TONSL: variants seen among roughly 807,000 people sequenced by gnomAD.
The protein encoded by TONSL is tonsoku like, DNA repair protein, also known as tonsoku-like protein.
A neutral mutation model predicts 147.1 loss-of-function variants in TONSL; 112 were observed. That is an observed-to-expected ratio of 0.76 (90% CI 0.65 to 0.89). The LOEUF is 0.89. Among genes scored for constraint, TONSL ranks in the 40% least tolerant of loss-of-function variants. TONSL has a pLI of 0.00. For missense variants in TONSL, 1,883 were observed against 1,864.6 expected (o/e 1.01, Z -0.18); for synonymous variants, 868 against 801.5 (o/e 1.08, Z -1.40).
chr8:144,429,398 G>C (rs782531272), intron 25 of TONSL, 62 bp from the exon 26 acceptor site: 83 of 1,339,218 alleles, frequency 6.2e-5, no homozygotes, highest in Non-Finnish European at 7.8e-5. Flanking sequence ...TGGTGCCCGC[G>C]GCAGGCTCCA....
chr8:144,430,931 T>G, intron 24 of TONSL, 147 bp downstream of exon 24: 8 of 924,582 alleles, frequency 8.7e-6, no homozygotes, highest in African/African-American at 1.7e-5. Flanking sequence ...CAGGGCAGCC[T>G]GAGAGGCTGG....
At chr8:144,431,822 CTT>C (rs1188579359) in intron 23 of TONSL, among the ~76,000 whole-genome samples, 5 of 128,476 alleles carry the variant, frequency 3.9e-5, no homozygotes, top group East Asian at 2.2e-4. Context: ...CTGTTTTTTT[CTT>C]TTTCTTTCTT....
chr8:144,440,153 G>A lies in TONSL; in HGVS notation c.1348C>T (p.Pro450Ser), dbSNP rs1390713394. The A allele has an allele frequency of 1.9e-6, 3 of 1,611,054 alleles. No homozygotes were observed. The change falls in exon 11 of 26, where the codon CCT (proline) becomes TCT (serine). Residue 450 changes from proline (P) to serine (S), a missense_variant. Pro to Ser is a moderately conservative substitution (Grantham distance 74). Transcript: ENST00000409379. ...TCCCGTAGTCTGGTTTCGGTCTCAG[G>A]GGCCTCCTGGGGCTGCAGCCTCAGC... ...VQLRLQPQEAPETETRLRELS... is the reference protein window; with the variant it reads ...VQLRLQPQEASETETRLRELS...
intron 3 of TONSL, 33 bp downstream of exon 3, chr8:144,443,849 C>T (rs1305909051): frequency 5.2e-6 from 8 of 1,540,714 alleles, no homozygotes; most frequent in South Asian, 2.4e-5. Context: ...AGAGGCCGAC[C>T]GGGCTGGACG....
chr8:144,439,960 A>G, intron 11 of TONSL, 61 bp downstream of exon 11: 1 of 772,252 alleles, frequency 1.3e-6, no homozygotes, highest in Non-Finnish European at 2.3e-6. Context: ...AGCACAGCAC[A>G]CCCCTCTCCA....
chr8:144,439,172 C>A (rs938749306), intron 11 of TONSL, among the ~76,000 whole-genome samples: 4 of 152,080 alleles, frequency 2.6e-5, no homozygotes, highest in Non-Finnish European at 5.9e-5. Flanking sequence ...CCTGGGTATC[C>A]TGCACCTTGC....
chr8:144,429,428 C>G, intron 25 of TONSL, 92 bp from the exon 26 acceptor site: 2 of 1,228,950 alleles, frequency 1.6e-6, no homozygotes, highest in Non-Finnish European at 2.1e-6. Flanking sequence ...CTCGCTTTCG[C>G]TGAGGGCCCC....
At chr8:144,430,676 G>T in intron 24 of TONSL, 139 bp from the exon 25 acceptor site, 1 of 1,081,246 alleles carries the variant, frequency 9.2e-7, no homozygotes, top group Non-Finnish European at 1.3e-6. Flanking sequence ...TGGCCCAGTA[G>T]CAGGTGGCCC....
At chr8:144,437,792 G>T (rs1823532436) in intron 13 of TONSL, 1 of 153,976 alleles carries the variant, frequency 6.5e-6, no homozygotes, top group Admixed American at 6.4e-5. Context: ...TTTTAGTAGA[G>T]ACAGGGTTTC....
Position 144,442,048 on chromosome 8 carries a change from T to C in TONSL, c.854A>G (p.Asn285Ser). 1 of 1,612,542 alleles carries C rather than the reference T, an allele frequency of 6.2e-7. No individual in the cohort carries two copies. The highest frequency in any genetic ancestry group is 8.5e-7 in the Non-Finnish European group (1 of 1,179,838). Residue 285 changes from asparagine (N) to serine (S), a missense_variant, in exon 7 of 26, where the codon AAC becomes AGC. Transcript: ENST00000409379. ...KPVQRAAICQ[N>S]LQHVLAVVRL... is the part of the protein sequence containing the mutation. ...ACCCCCAGGCTCACCATGCTGGAGG[T>C]TCTGACAGATGGCTGCCCTCTGCAC...
intron 23 of TONSL, among the ~76,000 whole-genome samples, chr8:144,431,514 CTTTTTTTGTTT>C (rs1416981189): frequency 6.6e-6 from 1 of 151,068 alleles, no homozygotes; most frequent in Non-Finnish European, 1.5e-5. Flanking sequence ...CTGTTTTTTT[CTTTTTTTGTTT>C]TTTTTTTGAG....
At chr8:144,433,953 G>T in intron 21 of TONSL, 25 bp downstream of exon 21, 1 of 1,540,922 alleles carries the variant, frequency 6.5e-7, no homozygotes. Flanking sequence ...CGCTGTTGAG[G>T]GCCTGCTGCT....
rs149456513 is a variant in TONSL at position 144,440,768 on chromosome 8, C to G, written c.1114G>C (p.Val372Leu). 396 of 1,612,904 alleles carry G rather than the reference C, an allele frequency of 2.5e-4. No individual in the cohort carries two copies. The highest frequency in any genetic ancestry group is 2.6e-4 in the Non-Finnish European group (302 of 1,179,984). The change falls in exon 9 of 26, where the codon GTG becomes CTG. Residue 372 changes from valine to leucine, a missense_variant. Transcript: ENST00000409379. ...LGDMKDHHGAVRHYEEELRLR... is the reference protein window; with the variant it reads ...LGDMKDHHGALRHYEEELRLR... ...CTCAGTTCCTCCTCATAGTGGCGCA[C>G]GGCCCCATGGTGGTCCTTCATGTCT...
chr8:144,433,489 G>T, intron 22 of TONSL, 99 bp downstream of exon 22: 1 of 1,203,312 alleles, frequency 8.3e-7, no homozygotes, highest in Non-Finnish European at 1.2e-6. Flanking sequence ...GACCACAGGT[G>T]TTGCCCCTGT....
chr8:144,436,508 ACT>A (rs1823465318), intron 16 of TONSL, 48 bp downstream of exon 16: 1 of 1,585,422 alleles, frequency 6.3e-7, no homozygotes, highest in African/African-American at 1.3e-5. Context: ...GGGCCCGGGG[ACT>A]CTCAGCGTAG....
intron 7 of TONSL, 102 bp from the exon 8 acceptor site, chr8:144,441,213 C>T: frequency 6.8e-7 from 1 of 1,478,398 alleles, no homozygotes; most frequent in Non-Finnish European, 9.1e-7. Context: ...CCACTCTCTC[C>T]ACACCTCTGC....
In TONSL at chr8:144,433,923, G is replaced by C. The variant is rs576860431; in HGVS notation, c.3387+55C>G. ...ACCCTAGACCACCCAGGGACCTGCA[G>C]AATGGGAACCCCAACTCCCCGCTGT... On this transcript the variant is annotated intron_variant, in intron 21 of 25. Coordinates refer to ENST00000409379, the MANE Select transcript of TONSL (RefSeq NM_013432.5). The C allele has an allele frequency of 3.8e-5, 58 of 1,506,710 alleles. No homozygotes were observed. The South Asian group carries it at 7.2e-4, about 19-fold the overall frequency. The allele number at this position is 1,506,710 out of a possible 1,614,324, so 93.3% of individuals were successfully genotyped here.
At position 144,440,709 on chromosome 8, in the gene TONSL, G is replaced by T; in HGVS notation, c.1164+9C>A. The stretch of plus-strand genomic sequence containing the variant: ...GAACCTGCATTCGGGCGGGGAGCAA[G>T]GGTTTCACCTCCAGCACGTTGCCGC... On this transcript the variant is annotated intron_variant, in intron 9 of 25. Transcript: ENST00000409379. The T allele has an allele frequency of 6.2e-7, 1 of 1,610,016 alleles. No homozygotes were observed.
chr8:144,433,356 G>A (rs1160393971), intron 22 of TONSL: 5 of 477,534 alleles, frequency 1.0e-5, no homozygotes, highest in East Asian at 4.0e-5. Flanking sequence ...GATTACAGGC[G>A]TGAGCCACTG....
Sources: allele counts gnomAD v4.1 joint callset (sites outside exome capture counted in the v4.1 genomes callset), GRCh38; gene constraint gnomAD v4.1.1; transcripts MANE v1.5; gene names NCBI Gene and HGNC (gene_info 2026-07-23, HGNC 2026-07-21).